Variants in CTNNA2 observed in about 807,000 individuals in gnomAD.
CTNNA2 encodes the protein catenin alpha 2, also known as catenin alpha-2.
A neutral mutation model predicts 101.0 loss-of-function variants in CTNNA2; 42 were observed. The observed-to-expected ratio is 0.42, with a 90% CI of 0.32 to 0.54. The LOEUF (loss-of-function observed/expected upper bound fraction) is 0.54, where lower values mean the gene tolerates loss of function less well. CTNNA2 is among the 20% of genes least tolerant of loss of function. The pLI, the probability that CTNNA2 is intolerant of heterozygous loss-of-function variation, is 0.14. For missense variants in CTNNA2, 871 were observed against 1,223.1 expected, an observed-to-expected ratio of 0.71 and a Z score of 4.29; for synonymous variants, 450 against 456.4, an observed-to-expected ratio of 0.99 and a Z score of 0.18.
intron 7 of CTNNA2, among the ~76,000 whole-genome samples, chr2:80,149,029 T>C (rs5000694): frequency 0.072 from 9,988 of 138,142 alleles, 684 homozygotes; most frequent in African/African-American, 0.23. Context: ...TGTTATTTTT[T>C]TTTTTTTTTT....
At chr2:80,098,496 A>G (rs954579893) in intron 7 of CTNNA2, among the ~76,000 whole-genome samples, 1 of 152,166 alleles carries the variant, frequency 6.6e-6, no homozygotes, top group Non-Finnish European at 1.5e-5. Context: ...TCGGATCTCA[A>G]GCTGCGTGTT....
chr2:79,614,985 C>G (rs1449800083), intron 1 of CTNNA2, among the ~76,000 whole-genome samples: 2 of 152,108 alleles, frequency 1.3e-5, no homozygotes. Flanking sequence ...GTGACTAGCC[C>G]TAAATACTCT....
At chr2:80,109,519 T>A (rs1701085957) in intron 7 of CTNNA2, among the ~76,000 whole-genome samples, 1 of 152,058 alleles carries the variant, frequency 6.6e-6, no homozygotes, top group Non-Finnish European at 1.5e-5. Flanking sequence ...CAGGATAGCC[T>A]CTGTCATACA....
At chr2:80,446,337 C>A (rs1185529044) in intron 9 of CTNNA2, among the ~76,000 whole-genome samples, 1 of 152,052 alleles carries the variant, frequency 6.6e-6, no homozygotes, top group Non-Finnish European at 1.5e-5. Context: ...ATGATGCAAC[C>A]AACTCAGATA....
intron 12 of CTNNA2, among the ~76,000 whole-genome samples, chr2:80,560,609 T>C (rs1693496347): frequency 6.6e-6 from 1 of 152,164 alleles, no homozygotes; most frequent in East Asian, 1.9e-4. Context: ...GACGAGGGCC[T>C]TCATTATTCT....
chr2:79,837,604 A>AT (rs568238354), intron 3 of CTNNA2, among the ~76,000 whole-genome samples: 91 of 150,316 alleles, frequency 6.1e-4, no homozygotes, highest in South Asian at 5.5e-3. Flanking sequence ...GCAATCGTTG[A>AT]TTTTTTTTTT....
intron 4 of CTNNA2, among the ~76,000 whole-genome samples, chr2:79,402,316 CATAG>C (rs1678298547): frequency 6.6e-6 from 1 of 151,706 alleles, no homozygotes; most frequent in Non-Finnish European, 1.5e-5. Flanking sequence ...ATATAAACCT[CATAG>C]ATAGATGTAA....
At chr2:80,611,286 T>G (rs1387018843) in intron 17 of CTNNA2, among the ~76,000 whole-genome samples, 1 of 149,734 alleles carries the variant, frequency 6.7e-6, no homozygotes, top group Admixed American at 6.7e-5. Context: ...AAAAGAATAT[T>G]GAAAGCAGAA....
chr2:80,596,295 T>TG lies in CTNNA2; in HGVS notation c.2189+6810_2189+6811insG, dbSNP rs2149754238. On this transcript the variant is annotated intron_variant, in intron 15 of 18. Coordinates refer to ENST00000402739, the MANE Select transcript of CTNNA2 (RefSeq NM_001282597.3). ...GACAAGGTTGTTTTTTTTTTTTTTT[T>TG]TTTTTTTTTTTTTTTTTTTTTTTTT... Among the ~76,000 whole-genome samples the TG allele has an allele frequency of 1.1e-4, 5 of 47,308 alleles. No homozygotes were observed. In the South Asian group the frequency reaches 5.2e-3, roughly 49 times the overall value. 31.0% of individuals were successfully genotyped at this position (47,308 alleles called of 152,430 possible).
At chr2:80,502,076 C>G (rs1186175636) in intron 9 of CTNNA2, among the ~76,000 whole-genome samples, 1 of 152,128 alleles carries the variant, frequency 6.6e-6, no homozygotes, top group Non-Finnish European at 1.5e-5. Flanking sequence ...TGAATCCTAA[C>G]CCTGCTATAT....
chr2:79,759,454 A>C (rs1672630911), intron 3 of CTNNA2, among the ~76,000 whole-genome samples: 1 of 152,116 alleles, frequency 6.6e-6, no homozygotes, highest in Non-Finnish European at 1.5e-5. Context: ...TTTTTCTCCC[A>C]TACTTTTTCT....
intron 6 of CTNNA2, among the ~76,000 whole-genome samples, chr2:79,884,984 C>T (rs1683741271): frequency 6.6e-6 from 1 of 152,102 alleles, no homozygotes; most frequent in Admixed American, 6.6e-5. Flanking sequence ...CTGCCCAAAG[C>T]TTATCCCAGT....
chr2:80,139,500 G>T (rs1447909553), intron 7 of CTNNA2, among the ~76,000 whole-genome samples: 1 of 151,952 alleles, frequency 6.6e-6, no homozygotes, highest in Non-Finnish European at 1.5e-5. Context: ...GTCTGTAAAG[G>T]CAATGGAGAA....
At chr2:79,248,144 C>T (rs1241805152) in intron 2 of CTNNA2, among the ~76,000 whole-genome samples, 5 of 152,142 alleles carry the variant, frequency 3.3e-5, no homozygotes, top group African/African-American at 1.2e-4. Flanking sequence ...AATACTGTCT[C>T]AGAGCCTTGC....
chr2:80,259,044 G>A (rs78352126), intron 7 of CTNNA2, among the ~76,000 whole-genome samples: 8,926 of 152,084 alleles, frequency 0.059, 437 homozygotes, highest in South Asian at 0.28. Context: ...TAGAATTCAG[G>A]GTTTCTGAAA....
chr2:80,038,316 A>G (rs1695798977), intron 7 of CTNNA2, among the ~76,000 whole-genome samples: 1 of 151,330 alleles, frequency 6.6e-6, no homozygotes. Flanking sequence ...TTATAATTAA[A>G]GAAAAAAAAA....
At chr2:79,917,917 A>G (rs2916520) in intron 7 of CTNNA2, among the ~76,000 whole-genome samples, 90,674 of 151,334 alleles carry the variant, frequency 0.6, 27,429 homozygotes, top group East Asian at 0.77. Context: ...TTCTGGATAC[A>G]GTACCCATCA....
At chr2:80,584,604 C>T (rs1695818999) in intron 14 of CTNNA2, among the ~76,000 whole-genome samples, 1 of 151,890 alleles carries the variant, frequency 6.6e-6, no homozygotes, top group Admixed American at 6.6e-5. Flanking sequence ...AGGCACTTAA[C>T]CTTGGTGATA....
intron 7 of CTNNA2, among the ~76,000 whole-genome samples, chr2:79,951,705 A>C (rs975012777): frequency 3.3e-5 from 5 of 151,942 alleles, no homozygotes; most frequent in African/African-American, 4.8e-5. Flanking sequence ...AAATAAAATA[A>C]AATAAAATAA....
Sources: allele counts gnomAD v4.1 joint callset (sites outside exome capture counted in the v4.1 genomes callset), GRCh38; gene constraint gnomAD v4.1.1; transcripts MANE v1.5; gene names NCBI Gene and HGNC (gene_info 2026-07-23, HGNC 2026-07-21).